Variants in AMBRA1 observed in about 807,000 individuals in gnomAD.
AMBRA1 encodes the protein autophagy and beclin 1 regulator 1.
A neutral mutation model predicts 125.4 loss-of-function variants in AMBRA1; 47 were observed. The observed-to-expected ratio is 0.37, with a 90% CI of 0.30 to 0.48. The LOEUF is 0.48. Ranked by LOEUF, AMBRA1 falls within the 20% of genes least tolerant of loss-of-function variation. The pLI is 0.99. For synonymous variants in AMBRA1, 626 were observed against 655.5 expected (o/e 0.95, Z 0.69); for missense variants, 1,331 against 1,693.4 (o/e 0.79, Z 3.76).
At chr11:46,462,611 T>G (rs920016349) in intron 11 of AMBRA1, among the ~76,000 whole-genome samples, 3 of 152,072 alleles carry the variant, frequency 2.0e-5, no homozygotes, top group Non-Finnish European at 4.4e-5. Flanking sequence ...GTACATGTGT[T>G]TTAAACACAT....
At chr11:46,440,682 G>T (rs777732182) in intron 12 of AMBRA1, among the ~76,000 whole-genome samples, 3 of 152,158 alleles carry the variant, frequency 2.0e-5, no homozygotes, top group Non-Finnish European at 4.4e-5. Flanking sequence ...AATGTGGATT[G>T]TGGTTAATTT....
intron 7 of AMBRA1, among the ~76,000 whole-genome samples, chr11:46,529,734 G>A (rs1244922852): frequency 6.6e-6 from 1 of 152,064 alleles, no homozygotes; most frequent in Non-Finnish European, 1.5e-5. Context: ...CCAGATACCC[G>A]AATTGATATG....
chr11:46,525,927 T>A (rs1951949831), intron 7 of AMBRA1, among the ~76,000 whole-genome samples: 1 of 151,710 alleles, frequency 6.6e-6, no homozygotes, highest in Non-Finnish European at 1.5e-5. Flanking sequence ...AGAAATAGGC[T>A]AGGTGCGGTG....
intron 11 of AMBRA1, among the ~76,000 whole-genome samples, chr11:46,452,116 T>A (rs1948630301): frequency 6.6e-6 from 1 of 152,018 alleles, no homozygotes; most frequent in African/African-American, 2.4e-5. Context: ...GTGAATCATA[T>A]CTCAATAATG....
intron 11 of AMBRA1, among the ~76,000 whole-genome samples, chr11:46,464,521 G>A (rs1949239411): frequency 6.6e-6 from 1 of 152,098 alleles, no homozygotes; most frequent in Non-Finnish European, 1.5e-5. Context: ...GCTTCAGGTG[G>A]TTCAAGAAAC....
chr11:46,398,819 G>A (rs1283616552), intron 17 of AMBRA1, among the ~76,000 whole-genome samples: 2 of 151,802 alleles, frequency 1.3e-5, no homozygotes, highest in African/African-American at 4.8e-5. Context: ...TGTCACCCAA[G>A]CTGGAGTGCA....
chr11:46,430,956 T>G (rs1947430258), intron 14 of AMBRA1, among the ~76,000 whole-genome samples: 1 of 152,178 alleles, frequency 6.6e-6, no homozygotes, highest in Admixed American at 6.5e-5. Flanking sequence ...AGACAAAAAT[T>G]CACTTCTTGC....
intron 1 of AMBRA1, among the ~76,000 whole-genome samples, chr11:46,561,176 T>A (rs1399940767): frequency 6.6e-6 from 1 of 151,528 alleles, no homozygotes; most frequent in African/African-American, 2.4e-5. Context: ...AGGTCAGGAG[T>A]TCGAGACTAG....
chr11:46,459,752 A>G (rs1333880887), intron 11 of AMBRA1, among the ~76,000 whole-genome samples: 1 of 142,212 alleles, frequency 7.0e-6, no homozygotes, highest in African/African-American at 2.5e-5. Context: ...ACACACACAC[A>G]CACACACACA....
chr11:46,564,021 G>C (rs1176616921), intron 1 of AMBRA1, among the ~76,000 whole-genome samples: 1 of 151,522 alleles, frequency 6.6e-6, no homozygotes, highest in Non-Finnish European at 1.5e-5. Flanking sequence ...GCGCATGCCT[G>C]TAATCCCAAC....
At chr11:46,534,766 T>C (rs139209798) in intron 7 of AMBRA1, among the ~76,000 whole-genome samples, 179 of 152,320 alleles carry the variant, frequency 1.2e-3, no homozygotes, top group African/African-American at 4.2e-3. Context: ...CTCAACCTTC[T>C]GAGCTCAAGC....
chr11:46,502,440 T>C (rs762289661), intron 9 of AMBRA1, among the ~76,000 whole-genome samples: 10 of 152,198 alleles, frequency 6.6e-5, no homozygotes, highest in Non-Finnish European at 1.5e-4. Context: ...GGAACTCTAT[T>C]TCAAAATGAA....
At chr11:46,498,525 A>G (rs1378448482) in intron 9 of AMBRA1, among the ~76,000 whole-genome samples, 4 of 152,220 alleles carry the variant, frequency 2.6e-5, no homozygotes, top group Non-Finnish European at 4.4e-5. Context: ...CACCCTTCAA[A>G]CAATCAAGTA....
chr11:46,427,800 G>C (rs955589521), intron 14 of AMBRA1, among the ~76,000 whole-genome samples: 1 of 152,084 alleles, frequency 6.6e-6, no homozygotes. Context: ...CCTGAGGTCA[G>C]GAGTTCGAGA....
intron 8 of AMBRA1, 129 bp from the exon 9 acceptor site, chr11:46,508,499 G>GC: frequency 1.1e-6 from 1 of 884,886 alleles, no homozygotes; most frequent in Non-Finnish European, 1.7e-6. Context: ...AAATTAAAGG[G>GC]CATTTAACTC....
chr11:46,489,121 T>C (rs1158717463), intron 11 of AMBRA1, among the ~76,000 whole-genome samples: 1 of 152,078 alleles, frequency 6.6e-6, no homozygotes, highest in Admixed American at 6.6e-5. Flanking sequence ...AACGTGCAGG[T>C]TTGTTACATA....
In AMBRA1 at chr11:46,434,711, C is replaced by T. The variant is rs554843825; in HGVS notation, c.2821+138G>A. ...CTAGCCAGCACTCCTGCAAAGCAAT[C>T]TTTCTCTGGCCTGTGCCCCAGTGAA... On this transcript the variant is annotated intron_variant, in intron 13 of 17. Coordinates refer to ENST00000683756, the MANE Select transcript of AMBRA1 (RefSeq NM_001387011.1). 9 of 940,622 alleles carry T rather than the reference C, an allele frequency of 9.6e-6. No individual in the cohort carries two copies. In the African/African-American group the frequency reaches 1.5e-4, roughly 16 times the overall value. 58.3% of individuals were successfully genotyped at this position (940,622 alleles called of 1,614,324 possible).
intron 11 of AMBRA1, among the ~76,000 whole-genome samples, chr11:46,445,827 A>T (rs192818727): frequency 1.3e-5 from 2 of 152,348 alleles, no homozygotes; most frequent in East Asian, 3.9e-4. Context: ...TCAGTACATG[A>T]TGAACAAAAT....
In AMBRA1 at chr11:46,496,440, A is replaced by G. The variant is rs530345534; in HGVS notation, c.2340-2236T>C. Among the ~76,000 whole-genome samples the G allele has an allele frequency of 2.6e-5, 4 of 152,334 alleles. No individual in the cohort carries two copies. In the East Asian group the frequency reaches 7.7e-4, roughly 29 times the overall value. ...CTAGAAAAGAAGCATCATGGGTCAA[A>G]TCTAATTATTCCACACCCATGAGAG... On this transcript the variant is annotated intron_variant, in intron 9 of 17. Transcript: ENST00000683756.
Sources: allele counts gnomAD v4.1 joint callset (sites outside exome capture counted in the v4.1 genomes callset), GRCh38; gene constraint gnomAD v4.1.1; transcripts MANE v1.5; gene names NCBI Gene and HGNC (gene_info 2026-07-23, HGNC 2026-07-21).